ANKHD1: variants seen among roughly 807,000 people sequenced by gnomAD.
The protein encoded by ANKHD1 is ankyrin repeat and KH domain containing 1.
ANKHD1 carries 31 observed loss-of-function variants against 230.5 expected under a neutral mutation model. That is an observed-to-expected ratio of 0.13 (90% CI 0.10 to 0.18). The LOEUF (loss-of-function observed/expected upper bound fraction) is 0.18. Among genes scored for constraint, ANKHD1 ranks in the 10% least tolerant of loss-of-function variants. The pLI is 1.00. For synonymous variants in ANKHD1, 1,074 were observed against 1,117.6 expected (o/e 0.96, Z 0.78); for missense variants, 2,256 against 3,071.3 (o/e 0.73, Z 6.27).
rs1423830650 is a variant in ANKHD1, at chr5:140,507,782, T to C, written c.3552-3T>C. 3 of 1,613,960 alleles carry C rather than the reference T, an allele frequency of 1.9e-6. No individual in the cohort carries two copies. Among genetic ancestry groups the C allele is most frequent in the Admixed American group, 3.3e-5 (2 of 60,022 alleles). On this transcript the variant is annotated splice_polypyrimidine_tract_variant and splice_region_variant and intron_variant, in intron 19 of 33. Coordinates refer to ENST00000360839, the MANE Select transcript of ANKHD1 (RefSeq NM_017747.3). The surrounding 1 kb of genome is among the most constrained non-coding windows in gnomAD (Gnocchi z 4.1). ...AATTTTCTAAGCACATTTCCCCCTT[T>C]AGGACTGGGAGTAAACTAGGTATTT...
chr5:140,515,096 G>A (rs2127066759), intron 24 of ANKHD1, among the ~76,000 whole-genome samples: 1 of 152,154 alleles, frequency 6.6e-6, no homozygotes, highest in African/African-American at 2.4e-5. Flanking sequence ...TGGCCGACAT[G>A]GAGAAACCCC....
intron 30 of ANKHD1, 50 bp downstream of exon 30, chr5:140,535,588 A>C: frequency 6.6e-7 from 1 of 1,518,094 alleles, no homozygotes; most frequent in South Asian, 1.4e-5. Context: ...TAAGTTATTA[A>C]ATCATTTATT....
chr5:140,479,090 C>G (rs1275954794), intron 10 of ANKHD1, among the ~76,000 whole-genome samples: 2 of 151,974 alleles, frequency 1.3e-5, no homozygotes, highest in Admixed American at 6.6e-5. Context: ...GCTCCGCCTT[C>G]TGGGTTCATG....
chr5:140,445,808 A>G lies in ANKHD1; in HGVS notation c.980A>G (p.Glu327Gly). 6.2e-7 allele frequency: 1 copy of G among 1,613,332 alleles called. No individual in the cohort carries two copies. The highest frequency in any genetic ancestry group is 1.1e-5 in the South Asian group (1 of 90,922). ...GACATTGTTAAAGTGCTCCTTAATG[A>G]AGGTGCAAATATAGAAGATCATAAT... ...FVDIVKVLLN[E>G]GANIEDHNEN... is the part of the protein sequence containing the mutation. The change falls in exon 6 of 34, where the codon GAA (glutamate) becomes GGA (glycine). Residue 327 changes from glutamate (E) to glycine (G), a missense_variant. This residue lies in a region of ANKHD1 where 206 missense variants were observed against 304.5 expected (regional missense o/e 0.68). Transcript: ENST00000360839.
chr5:140,421,756 A>C (rs955991446), intron 1 of ANKHD1, among the ~76,000 whole-genome samples: 2 of 152,216 alleles, frequency 1.3e-5, no homozygotes, highest in Non-Finnish European at 2.9e-5. Context: ...CTCAGTGAAC[A>C]ATAAGAGTCT....
intron 1 of ANKHD1, among the ~76,000 whole-genome samples, chr5:140,402,842 C>A (rs572567018): frequency 1.1e-3 from 160 of 152,086 alleles, no homozygotes; most frequent in African/African-American, 3.8e-3. Flanking sequence ...CCTTCTGGGA[C>A]CTTTTGTGAA....
At chr5:140,493,136 G>A (rs573805939) in intron 14 of ANKHD1, among the ~76,000 whole-genome samples, 2 of 152,158 alleles carry the variant, frequency 1.3e-5, no homozygotes, top group African/African-American at 2.4e-5. Flanking sequence ...ATCTCAGCTC[G>A]CTGCAACTTC....
chr5:140,427,136 G>A (rs544569555), intron 1 of ANKHD1, among the ~76,000 whole-genome samples: 3,951 of 150,478 alleles, frequency 0.026, 178 homozygotes, highest in African/African-American at 0.092. Context: ...GCGGCTGGCC[G>A]GGCAGGGGGC....
chr5:140,523,106 T>TC (rs1753430946), intron 24 of ANKHD1, among the ~76,000 whole-genome samples: 2 of 148,082 alleles, frequency 1.4e-5, no homozygotes, highest in African/African-American at 5.0e-5. Flanking sequence ...TTTTTCTTTT[T>TC]CCTTTTTTTT....
rs868251358 is a variant in ANKHD1 at position 140,466,476 on chromosome 5, T to C, written c.1782+1700T>C. The stretch of plus-strand genomic sequence containing the variant: ...ACTCTAATGTATAACAAAACCATAC[T>C]GATTGTGACCAAGTTAATATCTGTT... On this transcript the variant is annotated intron_variant, in intron 10 of 33. Transcript: ENST00000360839. 5.3e-5 allele frequency among the ~76,000 whole-genome samples: 8 copies of C among 152,222 alleles called. No individual in the cohort carries two copies. The Middle Eastern group carries it at 0.014, about 259-fold the overall frequency.
At chr5:140,514,207 AG>A (rs1263160992) in intron 24 of ANKHD1, among the ~76,000 whole-genome samples, 3 of 142,386 alleles carry the variant, frequency 2.1e-5, no homozygotes, top group African/African-American at 7.7e-5. Context: ...AAAAAAAAAA[AG>A]GAATTGACAG....
At chr5:140,501,370 G>A (rs1023211427) in intron 15 of ANKHD1, among the ~76,000 whole-genome samples, 3 of 151,614 alleles carry the variant, frequency 2.0e-5, no homozygotes, top group African/African-American at 7.3e-5. Context: ...GAGCCACCAC[G>A]CCAACCATAG....
At chr5:140,509,333 C>G (rs1752665721) in intron 20 of ANKHD1, among the ~76,000 whole-genome samples, 1 of 152,156 alleles carries the variant, frequency 6.6e-6, no homozygotes, top group African/African-American at 2.4e-5. Context: ...TATCTCTATT[C>G]ATTATGCAAA....
At chr5:140,460,050 T>G (rs1481677345) in intron 9 of ANKHD1, among the ~76,000 whole-genome samples, 1 of 152,178 alleles carries the variant, frequency 6.6e-6, no homozygotes, top group African/African-American at 2.4e-5. Context: ...TCTACTAGTC[T>G]CTGTTAATAA....
intron 10 of ANKHD1, among the ~76,000 whole-genome samples, chr5:140,479,762 G>A (rs1009602302): frequency 1.5e-4 from 23 of 148,602 alleles, no homozygotes; most frequent in African/African-American, 5.4e-4. Context: ...ATATACCTAT[G>A]TATGTATATG....
chr5:140,430,213 A>G (rs1323569593), intron 1 of ANKHD1, among the ~76,000 whole-genome samples: 1 of 152,192 alleles, frequency 6.6e-6, no homozygotes, highest in African/African-American at 2.4e-5. Context: ...TAAGGGAAAA[A>G]CAGGTAGTTT....
chr5:140,533,221 G>T (rs1184604928), intron 29 of ANKHD1, among the ~76,000 whole-genome samples: 2 of 152,216 alleles, frequency 1.3e-5, no homozygotes, highest in African/African-American at 4.8e-5. Context: ...GCCAAGTCAG[G>T]AGGATCACTT....
chr5:140,439,512 A>G (rs1581247833), intron 3 of ANKHD1, among the ~76,000 whole-genome samples: 1 of 152,124 alleles, frequency 6.6e-6, no homozygotes, highest in Non-Finnish European at 1.5e-5. Flanking sequence ...TCTCCTAAAA[A>G]TACAAAAATT....
chr5:140,537,678 A>T, intron 31 of ANKHD1, 89 bp downstream of exon 31: 1 of 1,445,678 alleles, frequency 6.9e-7, no homozygotes, highest in Non-Finnish European at 9.1e-7. Flanking sequence ...AAAAACAAAC[A>T]AAAAAAACTT....
Sources: gnomAD v4.1 joint callset for allele counts (sites outside exome capture counted in the v4.1 genomes callset) on GRCh38, gnomAD v4.1.1 for gene constraint, gnomAD v4.1.1 regional missense constraint, Gnocchi (gnomAD v3.1) non-coding constraint, MANE v1.5 for transcripts, NCBI Gene and HGNC (gene_info 2026-07-23, HGNC 2026-07-21) for gene names.